The following ANO6 variants were observed in gnomAD, a reference collection of about 807,000 sequenced individuals.
ANO6 encodes the protein anoctamin-6.
A neutral mutation model predicts 117.5 loss-of-function variants in ANO6; 106 were observed. The observed-to-expected ratio is 0.90, with a 90% CI of 0.77 to 1.06. ANO6 has a LOEUF of 1.06. Ranked by LOEUF, ANO6 falls within the 50% of genes least tolerant of loss-of-function variation. The pLI is 0.00. For missense variants in ANO6, 955 were observed against 1,121.1 expected (o/e 0.85, Z 2.12); for synonymous variants, 367 against 385.1 (o/e 0.95, Z 0.55).
intron 1 of ANO6, among the ~76,000 whole-genome samples, chr12:45,230,171 TC>T (rs1947553500): frequency 6.6e-6 from 1 of 152,084 alleles, no homozygotes; most frequent in Admixed American, 6.6e-5. Flanking sequence ...ACTGGGAGTA[TC>T]TTGAGGAAAA....
intron 1 of ANO6, among the ~76,000 whole-genome samples, chr12:45,279,172 A>T (rs149287103): frequency 5.0e-4 from 76 of 152,270 alleles, no homozygotes; most frequent in African/African-American, 1.8e-3. Context: ...TGAGGAAGGG[A>T]ATCTGGAGGT....
At chr12:45,216,802 A>T (rs191585338) in intron 1 of ANO6, among the ~76,000 whole-genome samples, 1 of 152,210 alleles carries the variant, frequency 6.6e-6, no homozygotes, top group Non-Finnish European at 1.5e-5. Context: ...GCAGGCCCGC[A>T]TTTGGAGGAC....
intron 16 of ANO6, among the ~76,000 whole-genome samples, chr12:45,412,816 G>A (rs1943120434): frequency 6.6e-6 from 1 of 152,216 alleles, no homozygotes; most frequent in Admixed American, 6.5e-5. Context: ...GGAGCTCAGC[G>A]CTTGGTGCAT....
intron 1 of ANO6, among the ~76,000 whole-genome samples, chr12:45,258,369 G>A (rs570571763): frequency 6.6e-6 from 1 of 152,188 alleles, no homozygotes; most frequent in Non-Finnish European, 1.5e-5. Context: ...TCTATATGAT[G>A]GAGTTGTGAG....
intron 16 of ANO6, among the ~76,000 whole-genome samples, chr12:45,410,005 C>CT (rs1455387327): frequency 6.6e-6 from 1 of 152,244 alleles, no homozygotes; most frequent in Non-Finnish European, 1.5e-5. Flanking sequence ...ATCCACCCAC[C>CT]TTAGCCTTCC....
intron 1 of ANO6, among the ~76,000 whole-genome samples, chr12:45,243,990 AG>A (rs1947784447): frequency 1.3e-5 from 2 of 152,350 alleles, no homozygotes; most frequent in East Asian, 3.9e-4. Context: ...TCATGGTAAC[AG>A]TGTACAAAGG....
rs1943580745 is a variant in ANO6 at position 45,429,312 on chromosome 12, G to A, written c.*1G>A. The A allele has an allele frequency of 6.2e-7, 1 of 1,613,028 alleles. No individual in the cohort carries two copies. The highest frequency in any genetic ancestry group is 1.1e-5 in the South Asian group (1 of 91,012). On this transcript the variant is annotated 3_prime_UTR_variant, in exon 20 of 20. Transcript: ENST00000320560. The stretch of plus-strand genomic sequence containing the variant: ...CAATTTACGGCCAAAATCAGAATAA[G>A]AGCTTTATGTTCTGAGAAGCACTTT...
intron 16 of ANO6, among the ~76,000 whole-genome samples, chr12:45,409,822 C>T (rs1259776686): frequency 6.6e-6 from 1 of 152,136 alleles, no homozygotes; most frequent in Non-Finnish European, 1.5e-5. Context: ...GTGGTACAAT[C>T]GTGGCTCACT....
chr12:45,310,477 T>A (rs1376464015), intron 2 of ANO6, among the ~76,000 whole-genome samples: 1 of 152,058 alleles, frequency 6.6e-6, no homozygotes, highest in Non-Finnish European at 1.5e-5. Flanking sequence ...TTTTGAGTTA[T>A]GTGAGATGAT....
At chr12:45,222,737 A>C (rs565163766) in intron 1 of ANO6, among the ~76,000 whole-genome samples, 1 of 152,282 alleles carries the variant, frequency 6.6e-6, no homozygotes, top group Admixed American at 6.5e-5. Context: ...CCATAAAGAA[A>C]TTCTCCCATC....
intron 12 of ANO6, among the ~76,000 whole-genome samples, chr12:45,390,930 G>A (rs1195877600): frequency 6.6e-6 from 1 of 152,086 alleles, no homozygotes; most frequent in African/African-American, 2.4e-5. Flanking sequence ...AGACCAGCCT[G>A]GCCAACATGA....
chr12:45,270,536 T>G (rs1938361928), intron 1 of ANO6: 1 of 954,064 alleles, frequency 1.0e-6, no homozygotes, highest in Non-Finnish European at 1.6e-6. Context: ...TAAGATCCCC[T>G]TCCTTTGTAT....
chr12:45,292,873 C>A (rs1018469745), intron 1 of ANO6: 2 of 1,550,456 alleles, frequency 1.3e-6, no homozygotes, highest in Admixed American at 2.0e-5. Flanking sequence ...TAAGAAGCGT[C>A]AAGGACTCAC....
intron 2 of ANO6, among the ~76,000 whole-genome samples, chr12:45,322,910 T>A (rs1325356336): frequency 6.6e-6 from 1 of 152,192 alleles, no homozygotes; most frequent in Non-Finnish European, 1.5e-5. Context: ...CTTCCTTTTT[T>A]CCAATAGCAG....
intron 10 of ANO6, among the ~76,000 whole-genome samples, chr12:45,385,632 C>T (rs1484536065): frequency 2.0e-5 from 3 of 152,094 alleles, no homozygotes; most frequent in African/African-American, 4.8e-5. Context: ...CAGCCAGTCA[C>T]ATGTCAGTCC....
intron 6 of ANO6, 49 bp from the exon 7 acceptor site, chr12:45,350,610 G>A: frequency 6.9e-7 from 1 of 1,448,932 alleles, no homozygotes; most frequent in Non-Finnish European, 9.7e-7. Context: ...AAGCAGATTT[G>A]TGAAAACACG....
At chr12:45,406,268 A>C (rs1056616978) in intron 15 of ANO6, among the ~76,000 whole-genome samples, 1 of 152,218 alleles carries the variant, frequency 6.6e-6, no homozygotes, top group African/African-American at 2.4e-5. Context: ...CACATCAGTA[A>C]ATTACAGAGT....
At chr12:45,314,475 AC>A (rs1201506635) in intron 2 of ANO6, among the ~76,000 whole-genome samples, 1 of 2,358 alleles carries the variant, frequency 4.2e-4, no homozygotes. Context: ...TATTATATAT[AC>A]ACACACACAC....
chr12:45,387,437 C>G (rs762537487), intron 10 of ANO6, among the ~76,000 whole-genome samples: 2 of 152,156 alleles, frequency 1.3e-5, no homozygotes, highest in Middle Eastern at 3.4e-3. Context: ...AATGAGGGCA[C>G]GGGGAAAAGC....
Sources: gnomAD v4.1 joint callset for allele counts (sites outside exome capture counted in the v4.1 genomes callset) on GRCh38, gnomAD v4.1.1 for gene constraint, MANE v1.5 for transcripts, NCBI Gene and HGNC (gene_info 2026-07-23, HGNC 2026-07-21) for gene names.